The following RIN3 variants were observed in gnomAD, a reference collection of about 807,000 sequenced individuals.
The protein encoded by RIN3 is Ras and Rab interactor 3.
A neutral mutation model predicts 76.3 loss-of-function variants in RIN3; 54 were observed. The ratio of observed to expected loss-of-function variants is 0.71; its 90% CI spans 0.57 to 0.89. RIN3 has a LOEUF of 0.89. Ranked by LOEUF, RIN3 falls within the 40% of genes least tolerant of loss-of-function variation. The probability of loss-of-function intolerance (pLI) is 0.00; values close to 1 mark genes in which losing one functional copy is unlikely to be tolerated. For missense variants in RIN3, 1,256 were observed against 1,322.1 expected (o/e 0.95, Z 0.78); for synonymous variants, 576 against 564.0 (o/e 1.02, Z -0.30).
chr14:92,668,787 A>G (rs1466090351), intron 7 of RIN3, among the ~76,000 whole-genome samples: 2 of 152,238 alleles, frequency 1.3e-5, no homozygotes, highest in Non-Finnish European at 2.9e-5. Context: ...GGAGGGACAT[A>G]GTTGAAAGGA....
intron 1 of RIN3, among the ~76,000 whole-genome samples, chr14:92,550,864 G>A (rs1056112574): frequency 6.6e-6 from 1 of 152,126 alleles, no homozygotes; most frequent in African/African-American, 2.4e-5. Context: ...TAAGGGATGG[G>A]GAGAACTGTT....
chr14:92,678,239 C>T (rs1363266840), intron 8 of RIN3, among the ~76,000 whole-genome samples: 2 of 150,074 alleles, frequency 1.3e-5, no homozygotes, highest in Non-Finnish European at 1.5e-5. Context: ...TCCATGCATC[C>T]ACTCATCCAC....
At chr14:92,561,820 T>C (rs1311959602) in intron 2 of RIN3, among the ~76,000 whole-genome samples, 1 of 152,078 alleles carries the variant, frequency 6.6e-6, no homozygotes, top group African/African-American at 2.4e-5. Flanking sequence ...GTAGCTGGGA[T>C]TACAGGCACA....
intron 5 of RIN3, among the ~76,000 whole-genome samples, chr14:92,645,937 AC>A (rs1051790207): frequency 1.5e-4 from 21 of 140,914 alleles, no homozygotes; most frequent in African/African-American, 5.4e-4. Flanking sequence ...GGGTGACAGA[AC>A]GAGACTCTCT....
chr14:92,555,668 C>T (rs1328508888), intron 1 of RIN3, 83 bp from the exon 2 acceptor site: 17 of 1,299,124 alleles, frequency 1.3e-5, no homozygotes, highest in East Asian at 1.2e-4. Context: ...AATAAGTAAG[C>T]GTGGCTGAAT....
Position 92,687,920 on chromosome 14 carries a change from C to T in RIN3, c.2632-6C>T. On this transcript the variant is annotated splice_region_variant and splice_polypyrimidine_tract_variant and intron_variant, in intron 9 of 9. Transcript: ENST00000216487. The stretch of plus-strand genomic sequence containing the variant: ...CCGTGACCACAGGCCCCTCGCGTCT[C>T]CGCAGGACTTCATCTGCGTGTCGTA... 6.5e-7 allele frequency: 1 copy of T among 1,539,158 alleles called. No individual in the cohort carries two copies. Among genetic ancestry groups the T allele is most frequent in the Non-Finnish European group, 8.7e-7 (1 of 1,143,254 alleles).
At chr14:92,675,021 G>A (rs1888413164) in intron 7 of RIN3, among the ~76,000 whole-genome samples, 1 of 152,174 alleles carries the variant, frequency 6.6e-6, no homozygotes, top group Non-Finnish European at 1.5e-5. Flanking sequence ...AACTTGCCAG[G>A]CATGTCTCTC....
At chr14:92,687,402 T>C in intron 9 of RIN3, 1 of 153,416 alleles carries the variant, frequency 6.5e-6, no homozygotes, top group Non-Finnish European at 1.5e-5. Context: ...CCAGCCTCCT[T>C]CACCCGGTCC....
At chr14:92,535,837 G>C (rs1433215980) in intron 1 of RIN3, among the ~76,000 whole-genome samples, 1 of 108,528 alleles carries the variant, frequency 9.2e-6, no homozygotes, top group Non-Finnish European at 1.9e-5. Flanking sequence ...ACCACGCCTG[G>C]CTACTTTTTT....
intron 2 of RIN3, among the ~76,000 whole-genome samples, chr14:92,572,140 A>T (rs1898075860): frequency 6.6e-6 from 1 of 152,244 alleles, no homozygotes; most frequent in African/African-American, 2.4e-5. Context: ...CTGTGTTAGC[A>T]TGCTTCCAGG....
chr14:92,629,425 C>T (rs568659618), intron 4 of RIN3, among the ~76,000 whole-genome samples: 3 of 152,282 alleles, frequency 2.0e-5, no homozygotes, highest in Admixed American at 6.5e-5. Flanking sequence ...TCAAGGGCAC[C>T]GTTACAGAAT....
At chr14:92,665,545 AT>A (rs557601059) in intron 7 of RIN3, among the ~76,000 whole-genome samples, 8 of 150,642 alleles carry the variant, frequency 5.3e-5, no homozygotes, top group African/African-American at 1.7e-4. Context: ...TGCCCGGCTA[AT>A]TTTTTTTCGT....
intron 3 of RIN3, among the ~76,000 whole-genome samples, chr14:92,612,012 A>G (rs1327906006): frequency 3.9e-5 from 6 of 152,060 alleles, no homozygotes; most frequent in Non-Finnish European, 8.8e-5. Flanking sequence ...TAAACAAGCA[A>G]ATCTCGTGAG....
intron 1 of RIN3, among the ~76,000 whole-genome samples, chr14:92,549,475 C>T (rs1424045025): frequency 6.6e-6 from 1 of 152,352 alleles, no homozygotes; most frequent in East Asian, 1.9e-4. Flanking sequence ...ACACCCCAAG[C>T]TGCCATGCTC....
chr14:92,603,635 G>C (rs72697295), intron 3 of RIN3, among the ~76,000 whole-genome samples: 18,775 of 152,252 alleles, frequency 0.12, 1,486 homozygotes, highest in Non-Finnish European at 0.18. Flanking sequence ...TGCCTGTGCC[G>C]TGTTGCGGTC....
chr14:92,664,441 C>T (rs1203648762), intron 7 of RIN3, among the ~76,000 whole-genome samples: 2 of 140,778 alleles, frequency 1.4e-5, no homozygotes, highest in Non-Finnish European at 3.0e-5. Context: ...GATCTCGGCT[C>T]ACTGCAAACT....
intron 1 of RIN3, among the ~76,000 whole-genome samples, chr14:92,537,830 TTA>T (rs1277496293): frequency 2.3e-4 from 17 of 74,158 alleles, no homozygotes; most frequent in African/African-American, 7.6e-4. Flanking sequence ...TTTATTTATT[TTA>T]TTTTATTTAT....
At chr14:92,547,200 A>ATTTTATTATTATAAAATAAATTG (rs1897299818) in intron 1 of RIN3, among the ~76,000 whole-genome samples, 9 of 48,882 alleles carry the variant, frequency 1.8e-4, no homozygotes, top group African/African-American at 7.4e-4. Flanking sequence ...AAAATAAATT[A>ATTTTATTATTATAAAATAAATTG]TCTTTATTTT....
chr14:92,672,880 C>T (rs1384527352), intron 7 of RIN3, among the ~76,000 whole-genome samples: 1 of 152,132 alleles, frequency 6.6e-6, no homozygotes, highest in African/African-American at 2.4e-5. Context: ...TGTGGGTTTG[C>T]TTATTCTGGA....
Sources: allele counts gnomAD v4.1 joint callset (sites outside exome capture counted in the v4.1 genomes callset), GRCh38; gene constraint gnomAD v4.1.1; transcripts MANE v1.5; gene names NCBI Gene and HGNC (gene_info 2026-07-23, HGNC 2026-07-21).